Variants in PCDHGB1 observed in about 807,000 individuals in gnomAD.
The protein encoded by PCDHGB1 is protocadherin gamma-B1.
PCDHGB1 carries 34 observed loss-of-function variants against 56.6 expected under a neutral mutation model. The observed-to-expected ratio is 0.60, with a 90% CI of 0.46 to 0.80. PCDHGB1 has a LOEUF of 0.80. PCDHGB1 is among the 30% of genes least tolerant of loss of function. The probability of loss-of-function intolerance (pLI) is 0.00; values close to 1 mark genes in which losing one functional copy is unlikely to be tolerated. For synonymous variants in PCDHGB1, 561 were observed against 505.9 expected, an observed-to-expected ratio of 1.11 and a Z score of -1.46; for missense variants, 1,278 against 1,204.6, an observed-to-expected ratio of 1.06 and a Z score of -0.90.
At chr5:141,393,569 T>C (rs1227543853) in intron 1 of PCDHGB1, 1 of 1,613,918 alleles carries the variant, frequency 6.2e-7, no homozygotes, top group South Asian at 1.1e-5. Context: ...TGAAAGTCCT[T>C]GAGAACATGC....
chr5:141,372,008 C>T, intron 1 of PCDHGB1: 3 of 1,613,290 alleles, frequency 1.9e-6, no homozygotes, highest in African/African-American at 1.3e-5. Flanking sequence ...GCGACCAGGG[C>T]TCGCCTACGC....
At chr5:141,449,658 C>T (rs1413506303) in intron 1 of PCDHGB1, among the ~76,000 whole-genome samples, 5 of 149,582 alleles carry the variant, frequency 3.3e-5, no homozygotes, top group Admixed American at 3.3e-4. Flanking sequence ...TTTACATACA[C>T]ACCCAAGTGT....
rs1189175823 is a variant in PCDHGB1 at position 141,422,087 on chromosome 5, G to T, written c.2409+69418G>T. 2 of 1,611,966 alleles carry T rather than the reference G, an allele frequency of 1.2e-6. No individual in the cohort carries two copies. ...ATGTATTCATTTCGGAACATGGAAA[G>T]CAAGGCTTCTGAAATATTCCAATTG... is the stretch of plus-strand genomic sequence containing the variant. On this transcript the variant is annotated intron_variant, in intron 1 of 3. Transcript: ENST00000523390.
rs1589038346 is a variant in PCDHGB1, at chr5:141,387,562, C to T, written c.2409+34893C>T. The T allele has an allele frequency of 6.9e-6, 3 of 437,514 alleles. No individual in the cohort carries two copies. The Admixed American group carries it at 1.2e-4, about 17-fold the overall frequency. The allele number at this position is 437,514 out of a possible 1,614,324, so 27.1% of individuals were successfully genotyped here. A position where few individuals can be genotyped will look rare whatever the true frequency, so the allele number is the denominator to read the frequency against. ...GTTTTTGTTCTTTCAGTTAGGCACA[C>T]AATTATAATTATTGCACTGGTTAAC... On this transcript the variant is annotated intron_variant, in intron 1 of 3. Transcript: ENST00000523390.
At chr5:141,459,632 A>G (rs1202000974) in intron 1 of PCDHGB1, among the ~76,000 whole-genome samples, 1 of 152,214 alleles carries the variant, frequency 6.6e-6, no homozygotes, top group East Asian at 1.9e-4. Flanking sequence ...AAGCTGCCAA[A>G]CTATTTTTCA....
chr5:141,443,849 T>A (rs1233479391), intron 1 of PCDHGB1, among the ~76,000 whole-genome samples: 2 of 152,136 alleles, frequency 1.3e-5, no homozygotes, highest in Admixed American at 1.3e-4. Flanking sequence ...ATATGGAAAG[T>A]CTGAAAACTG....
chr5:141,377,724 A>T (rs549902283), intron 1 of PCDHGB1: 1 of 152,244 alleles, frequency 6.6e-6, no homozygotes, highest in Non-Finnish European at 1.5e-5. Flanking sequence ...TTTTGAAAAG[A>T]TAAGAATCAT....
chr5:141,356,828 G>A, intron 1 of PCDHGB1: 1 of 1,614,146 alleles, frequency 6.2e-7, no homozygotes, highest in South Asian at 1.1e-5. Context: ...CCTCCACTCA[G>A]CAGCAATGTG....
In PCDHGB1 at chr5:141,413,895, T is replaced by C. The variant is rs749075692; in HGVS notation, c.2409+61226T>C. On this transcript the variant is annotated intron_variant, in intron 1 of 3. Transcript: ENST00000523390. ...TCAGTGTGACTGTCTTCGATGCAAATGACAACGCGCCGGTCTTCACCTTGC... is the reference window on the plus strand; with the variant it reads ...TCAGTGTGACTGTCTTCGATGCAAACGACAACGCGCCGGTCTTCACCTTGC... 7 of 1,613,190 alleles carry C rather than the reference T, an allele frequency of 4.3e-6. No individual in the cohort carries two copies. The South Asian group carries it at 6.6e-5, about 15-fold the overall frequency.
intron 1 of PCDHGB1, among the ~76,000 whole-genome samples, chr5:141,449,391 G>A (rs1020753910): frequency 1.3e-5 from 2 of 151,876 alleles, no homozygotes; most frequent in Non-Finnish European, 2.9e-5. Context: ...TGGATTACTT[G>A]AGGCCAGGAG....
At chr5:141,365,031 A>C (rs766626786) in intron 1 of PCDHGB1, 14 of 1,613,758 alleles carry the variant, frequency 8.7e-6, no homozygotes, top group African/African-American at 1.3e-5. Flanking sequence ...ACGGTCCTCG[A>C]CGCAAACGAC....
intron 1 of PCDHGB1, chr5:141,423,851 C>A (rs1311833319): frequency 2.4e-6 from 3 of 1,275,940 alleles, no homozygotes; most frequent in East Asian, 3.1e-5. Context: ...TCTTTCAGAA[C>A]GTTTTTGTGA....
rs1422052114 is a variant in PCDHGB1, at chr5:141,511,168, A to T, written c.2779A>T (p.Lys927Ter). The change falls in exon 4 of 4, where the codon AAG (lysine) becomes TAG (stop). Residue 927 changes from lysine to a stop codon, truncating the protein, a stop_gained. Coordinates refer to ENST00000523390, the MANE Select transcript of PCDHGB1 (RefSeq NM_018922.3). LOFTEE classifies it high-confidence loss of function. ...GAAGAAGTCGGGCAAGAAGGAGAAG[A>T]AGTAACATGGAGGCCAGGCCAAGAG... is the stretch of plus-strand genomic sequence containing the variant. The part of the protein sequence containing the change: ...NKKKSGKKEK[K>*] 1.4e-5 allele frequency: 22 copies of T among 1,614,038 alleles called. No individual in the cohort carries two copies. The highest frequency in any genetic ancestry group is 1.7e-5 in the Non-Finnish European group (20 of 1,180,008).
rs191909737 is a variant in PCDHGB1 at position 141,405,622 on chromosome 5, G to A, written c.2409+52953G>A. 9.3e-3 allele frequency: 5,090 copies of A among 544,656 alleles called. 46 individuals are homozygous for A. The highest frequency in any genetic ancestry group is 0.017 in the Admixed American group (494 of 29,130). The allele number at this position is 544,656 out of a possible 1,614,324, so 33.7% of individuals were successfully genotyped here. On this transcript the variant is annotated intron_variant, in intron 1 of 3. Transcript: ENST00000523390. ...GTAGAATAACTGGGACTACAGGCAC[G>A]TGCCACCACGCCCGGCTAATTTTTT...
intron 2 of PCDHGB1, among the ~76,000 whole-genome samples, chr5:141,501,847 C>T (rs976699397): frequency 1.3e-5 from 2 of 152,140 alleles, no homozygotes; most frequent in Admixed American, 6.5e-5. Context: ...GGCCCTCAAC[C>T]TTCAACCATT....
In PCDHGB1 at chr5:141,413,371, CGCGGAGT is replaced by C. The variant is rs765391000; in HGVS notation, c.2409+60703_2409+60709del. The C allele has an allele frequency of 3.7e-6, 6 of 1,613,848 alleles. No homozygotes were observed. In the African/African-American group the frequency reaches 8.0e-5, roughly 22 times the overall value. On this transcript the variant is annotated intron_variant, in intron 1 of 3. Coordinates refer to ENST00000523390, the MANE Select transcript of PCDHGB1 (RefSeq NM_018922.3). ...TCTGGCGCCCCGGGAGCTGGCGGAG[CGCGGAGT>C]CCGCATAGTCTCCAGAGGTAGGACG...
At chr5:141,497,101 G>A (rs1465038195) in intron 2 of PCDHGB1, among the ~76,000 whole-genome samples, 1 of 152,042 alleles carries the variant, frequency 6.6e-6, no homozygotes, top group African/African-American at 2.4e-5. Flanking sequence ...AGGCAGAACT[G>A]CTTGAACCCG....
Position 141,432,206 on chromosome 5 carries a change from G to T in PCDHGB1, c.2410-62601G>T, listed in dbSNP as rs551220443. ...GACCGCCCACGACCCCGACTGTGAA[G>T]AGAACGCCCAGATCACTTATTCCCT... On this transcript the variant is annotated intron_variant, in intron 1 of 3. Coordinates refer to ENST00000523390, the MANE Select transcript of PCDHGB1 (RefSeq NM_018922.3). The surrounding 1 kb of genome is among the most constrained non-coding windows in gnomAD (Gnocchi z 6.0). 12 of 1,614,214 alleles carry T rather than the reference G, an allele frequency of 7.4e-6. No individual in the cohort carries two copies. The Admixed American group carries it at 8.3e-5, about 11-fold the overall frequency.
chr5:141,393,171 G>A (rs768471669), intron 1 of PCDHGB1: 1 of 1,613,268 alleles, frequency 6.2e-7, no homozygotes, highest in Non-Finnish European at 8.5e-7. Context: ...CTTTGGGGTA[G>A]AAATAGAAAT....
Sources: gnomAD v4.1 joint callset for allele counts (sites outside exome capture counted in the v4.1 genomes callset) on GRCh38, gnomAD v4.1.1 for gene constraint, Gnocchi (gnomAD v3.1) non-coding constraint, MANE v1.5 for transcripts, NCBI Gene and HGNC (gene_info 2026-07-23, HGNC 2026-07-21) for gene names.